FOXN3: variants seen among roughly 807,000 people sequenced by gnomAD.
The protein encoded by FOXN3 is forkhead box N3.
A neutral mutation model predicts 38.4 loss-of-function variants in FOXN3; 7 were observed. That is an observed-to-expected ratio of 0.18 (90% CI 0.10 to 0.34). The LOEUF is 0.34. Ranked by LOEUF, FOXN3 falls within the 10% of genes least tolerant of loss-of-function variation. The probability of loss-of-function intolerance (pLI) is 1.00; values close to 1 mark genes in which losing one functional copy is unlikely to be tolerated. For synonymous variants in FOXN3, 230 were observed against 242.2 expected (o/e 0.95, Z 0.47); for missense variants, 456 against 613.4 (o/e 0.74, Z 2.71).
intron 3 of FOXN3, among the ~76,000 whole-genome samples, 180 bp from the exon 4 acceptor site, chr14:89,281,194 C>T (rs1039925712): frequency 2.6e-5 from 4 of 152,182 alleles, no homozygotes; most frequent in Non-Finnish European, 4.4e-5. Context: ...TTTCACAGTG[C>T]AGAACCTATC....
At chr14:89,202,613 C>T (rs1432217392) in intron 4 of FOXN3, among the ~76,000 whole-genome samples, 2 of 152,158 alleles carry the variant, frequency 1.3e-5, no homozygotes, top group African/African-American at 4.8e-5. Context: ...TCGTGAATGG[C>T]TCAGAGCTGT....
rs1352853391 is a variant in FOXN3 at position 89,325,229 on chromosome 14, CCAT to C, written c.680+25440_680+25442del. On this transcript the variant is annotated intron_variant, in intron 3 of 5. Transcript: ENST00000557258. Reference sequence around the variant, plus strand: ...CAACACACATGCACCACCACCACCACCATCACTACCACCACCACGACCACCACC... The same window carrying C: ...CAACACACATGCACCACCACCACCACCACTACCACCACCACGACCACCACC... Among the ~76,000 whole-genome samples the C allele has an allele frequency of 5.2e-4, 59 of 112,702 alleles. 2 individuals are homozygous for C. The highest frequency in any genetic ancestry group is 1.1e-3 in the African/African-American group (26 of 23,520). 73.9% of individuals were successfully genotyped at this position (112,702 alleles called of 152,430 possible). A position where few individuals can be genotyped will look rare whatever the true frequency, so the allele number is the denominator to read the frequency against.
chr14:89,574,549 C>T (rs193168539), intron 1 of FOXN3, among the ~76,000 whole-genome samples: 1 of 152,244 alleles, frequency 6.6e-6, no homozygotes, highest in East Asian at 1.9e-4. Context: ...TGGTGCCAGT[C>T]CCAGCTCTGC....
intron 1 of FOXN3, among the ~76,000 whole-genome samples, chr14:89,543,930 A>G (rs1894837306): frequency 6.6e-6 from 1 of 152,172 alleles, no homozygotes; most frequent in Non-Finnish European, 1.5e-5. Context: ...TACTCAAAAT[A>G]TTTTGGAAAA....
At chr14:89,523,771 GT>G (rs59929919) in intron 1 of FOXN3, among the ~76,000 whole-genome samples, 58,793 of 150,840 alleles carry the variant, frequency 0.39, 11,869 homozygotes, top group East Asian at 0.6. Flanking sequence ...CTTTCTTTAT[GT>G]TTTTTTTTGA....
At chr14:89,493,714 G>T (rs570383066) in intron 1 of FOXN3, among the ~76,000 whole-genome samples, 2 of 152,154 alleles carry the variant, frequency 1.3e-5, no homozygotes, top group East Asian at 3.9e-4. Flanking sequence ...TGATATAAAA[G>T]CAATTTCTAC....
intron 4 of FOXN3, among the ~76,000 whole-genome samples, chr14:89,245,245 G>A (rs919921281): frequency 3.9e-5 from 6 of 152,142 alleles, no homozygotes; most frequent in Non-Finnish European, 7.3e-5. Flanking sequence ...CAAAAGATAC[G>A]CAGGTGGGTC....
At chr14:89,531,203 C>T (rs746381455) in intron 1 of FOXN3, among the ~76,000 whole-genome samples, 3 of 151,146 alleles carry the variant, frequency 2.0e-5, no homozygotes, top group East Asian at 1.9e-4. Flanking sequence ...GGTTTCTTTA[C>T]GCAGTCCCGT....
At chr14:89,485,109 G>T (rs552958560) in intron 1 of FOXN3, among the ~76,000 whole-genome samples, 5 of 146,346 alleles carry the variant, frequency 3.4e-5, no homozygotes, top group Non-Finnish European at 7.4e-5. Context: ...CAGAGATGGC[G>T]CCACTGCACT....
At chr14:89,369,771 A>G (rs939748505) in intron 2 of FOXN3, among the ~76,000 whole-genome samples, 24 of 152,216 alleles carry the variant, frequency 1.6e-4, no homozygotes, top group Non-Finnish European at 2.8e-4. Context: ...TTATGATTCA[A>G]TTACCTCCCC....
intron 1 of FOXN3, among the ~76,000 whole-genome samples, chr14:89,519,906 A>G (rs1293682731): frequency 3.9e-5 from 6 of 152,212 alleles, no homozygotes; most frequent in Non-Finnish European, 8.8e-5. Flanking sequence ...CACTGCCTGA[A>G]GGTAGTGTGG....
intron 1 of FOXN3, among the ~76,000 whole-genome samples, chr14:89,448,427 G>A (rs1043237342): frequency 2.6e-5 from 4 of 151,912 alleles, no homozygotes; most frequent in East Asian, 1.9e-4. Context: ...GAAGAGGCTC[G>A]AACACCCACA....
intron 3 of FOXN3, among the ~76,000 whole-genome samples, chr14:89,287,880 CA>C (rs927826695): frequency 3.3e-5 from 5 of 151,020 alleles, no homozygotes; most frequent in South Asian, 4.2e-4. Context: ...AAAAATAAAA[CA>C]TTTTTTTATT....
chr14:89,439,797 A>G (rs1892341083), intron 1 of FOXN3, among the ~76,000 whole-genome samples: 1 of 150,620 alleles, frequency 6.6e-6, no homozygotes, highest in African/African-American at 2.5e-5. Flanking sequence ...CTGGGATTAC[A>G]GGCGCCCGCC....
chr14:89,173,036 C>T (rs1043601019), intron 5 of FOXN3, among the ~76,000 whole-genome samples: 2 of 152,046 alleles, frequency 1.3e-5, no homozygotes, highest in African/African-American at 4.8e-5. Flanking sequence ...AGACCATCCG[C>T]AAACTTAGAA....
intron 1 of FOXN3, among the ~76,000 whole-genome samples, chr14:89,478,610 G>A (rs188978218): frequency 6.6e-6 from 1 of 152,162 alleles, no homozygotes; most frequent in Non-Finnish European, 1.5e-5. Flanking sequence ...ACTGGGCCAA[G>A]TACTTTAAGA....
intron 2 of FOXN3, among the ~76,000 whole-genome samples, chr14:89,385,546 G>A (rs1046516884): frequency 2.7e-5 from 4 of 145,606 alleles, no homozygotes; most frequent in Admixed American, 1.4e-4. Context: ...CATGGTTCAC[G>A]CCTGTAATCC....
At chr14:89,519,820 A>G (rs1894282803) in intron 1 of FOXN3, among the ~76,000 whole-genome samples, 1 of 152,156 alleles carries the variant, frequency 6.6e-6, no homozygotes, top group Admixed American at 6.6e-5. Context: ...GTTTCTGGTG[A>G]TAGCAGCATA....
rs367842309 is a variant in FOXN3 at position 89,511,400 on chromosome 14, C to T, written c.-14-98910G>A. On this transcript the variant is annotated intron_variant, in intron 1 of 6. Coordinates refer to the FOXN3 transcript ENST00000345097. ...CCTCAACCTCTGGGCTCAAGCAAAC[C>T]TCCCACCTAAGCCCCCTGAGTAGCT... is the stretch of plus-strand genomic sequence containing the variant. Among the ~76,000 whole-genome samples, 46 of 150,954 alleles carry T rather than the reference C, an allele frequency of 3.0e-4. No homozygotes were observed. The South Asian group carries it at 9.3e-3, about 30-fold the overall frequency.
Sources: allele counts gnomAD v4.1 joint callset (sites outside exome capture counted in the v4.1 genomes callset), GRCh38; gene constraint gnomAD v4.1.1; transcripts MANE v1.5; gene names NCBI Gene and HGNC (gene_info 2026-07-23, HGNC 2026-07-21).